Variants in DIP2B observed in about 807,000 individuals in gnomAD.
DIP2B encodes the protein disco-interacting protein 2 homolog B.
A neutral mutation model predicts 198.0 loss-of-function variants in DIP2B; 76 were observed. The ratio of observed to expected loss-of-function variants is 0.38; its 90% CI spans 0.32 to 0.46. The LOEUF (loss-of-function observed/expected upper bound fraction) is 0.46. DIP2B is among the 20% of genes least tolerant of loss of function. DIP2B has a pLI of 0.99. For synonymous variants in DIP2B, 701 were observed against 739.1 expected (o/e 0.95, Z 0.84); for missense variants, 1,559 against 1,978.4 (o/e 0.79, Z 4.02).
intron 1 of DIP2B, among the ~76,000 whole-genome samples, chr12:50,542,744 T>C (rs1256756985): frequency 6.6e-6 from 1 of 152,254 alleles, no homozygotes; most frequent in East Asian, 1.9e-4. Context: ...ATCAGACTTA[T>C]GATTACACTG....
intron 1 of DIP2B, among the ~76,000 whole-genome samples, chr12:50,566,824 T>C: frequency 6.6e-6 from 1 of 151,998 alleles, no homozygotes; most frequent in East Asian, 1.9e-4. Flanking sequence ...TACAAAAAAT[T>C]AGCCAGGCGT....
At chr12:50,542,791 A>G (rs1275177536) in intron 1 of DIP2B, among the ~76,000 whole-genome samples, 1 of 152,226 alleles carries the variant, frequency 6.6e-6, no homozygotes, top group Non-Finnish European at 1.5e-5. Flanking sequence ...CATTTTGGCC[A>G]AAGAATATGA....
Position 50,525,545 on chromosome 12 carries a change from C to T in DIP2B, c.100+20305C>T, listed in dbSNP as rs1299822430. Reference sequence around the variant, plus strand: ...TTTTTTTTTTTGAGACAGAGTCTCACTCTCTCATCCAGGCTGGAGTGCAGT... The same window carrying T: ...TTTTTTTTTTTGAGACAGAGTCTCATTCTCTCATCCAGGCTGGAGTGCAGT... On this transcript the variant is annotated intron_variant, in intron 1 of 37. Coordinates refer to ENST00000301180, the MANE Select transcript of DIP2B (RefSeq NM_173602.3). 1.6e-4 allele frequency among the ~76,000 whole-genome samples: 24 copies of T among 146,648 alleles called. 1 individual carries two copies. The highest frequency in any genetic ancestry group is 5.8e-4 in the African/African-American group (23 of 39,706).
At chr12:50,643,026 CTGTGTGTGTGTGTGTGTGAGTG>C (rs1410808612) in intron 3 of DIP2B, among the ~76,000 whole-genome samples, 1 of 149,710 alleles carries the variant, frequency 6.7e-6, no homozygotes. Context: ...CTGGGAGTTT[CTGTGTGTGTGTGTGTGTGAGTG>C]TGTGTGTGCG....
chr12:50,600,080 A>G (rs543875050), intron 1 of DIP2B, among the ~76,000 whole-genome samples: 1 of 152,354 alleles, frequency 6.6e-6, no homozygotes, highest in South Asian at 2.1e-4. Context: ...ACTTTATAGA[A>G]TCAGAAAGAA....
intron 18 of DIP2B, among the ~76,000 whole-genome samples, chr12:50,698,782 C>T (rs988124777): frequency 3.3e-5 from 5 of 152,218 alleles, no homozygotes; most frequent in African/African-American, 1.2e-4. Context: ...GAGCATACTG[C>T]TTCCAAGAGT....
chr12:50,693,748 G>T (rs1400613701), intron 14 of DIP2B, among the ~76,000 whole-genome samples: 1 of 152,112 alleles, frequency 6.6e-6, no homozygotes, highest in Non-Finnish European at 1.5e-5. Flanking sequence ...TGCAAGATAG[G>T]GACATGTGTG....
rs370725238 is a variant in DIP2B at position 50,648,450 on chromosome 12, G to A, written c.301+7598G>A. 5.5e-4 allele frequency among the ~76,000 whole-genome samples: 84 copies of A among 152,144 alleles called. 2 individuals carry two copies. The South Asian group carries it at 0.013, about 23-fold the overall frequency. ...CCGATCTCGGCTCACTGCAGGCTCC[G>A]CCTCCTGGGTTCACGCCATTCTCCT... On this transcript the variant is annotated intron_variant, in intron 3 of 37. Transcript: ENST00000301180.
At chr12:50,656,593 A>G (rs182921494) in intron 3 of DIP2B, among the ~76,000 whole-genome samples, 2 of 152,112 alleles carry the variant, frequency 1.3e-5, no homozygotes, top group African/African-American at 4.8e-5. Flanking sequence ...TTCTTTTGAG[A>G]TGGAGTCTCG....
At position 50,695,107 on chromosome 12, in the gene DIP2B, G is replaced by C. The variant is rs116399773; in HGVS notation, c.1720-160G>C. On this transcript the variant is annotated intron_variant, in intron 14 of 37. Coordinates refer to ENST00000301180, the MANE Select transcript of DIP2B (RefSeq NM_173602.3). The stretch of plus-strand genomic sequence containing the variant: ...ACCAGGTTTGAGGGTAGGTATTAAA[G>C]GAACTTCAATCTTATATTTAATATT... 8.4e-3 allele frequency among the ~76,000 whole-genome samples: 1,282 copies of C among 152,198 alleles called. 18 individuals are homozygous for C. The highest frequency in any genetic ancestry group is 0.028 in the African/African-American group (1,166 of 41,518).
At chr12:50,629,500 AATGCTGT>A (rs889995397) in intron 2 of DIP2B, among the ~76,000 whole-genome samples, 6 of 152,168 alleles carry the variant, frequency 3.9e-5, no homozygotes, top group Non-Finnish European at 8.8e-5. Flanking sequence ...TTTGAGAACC[AATGCTGT>A]ATCTCTCTAG....
intron 1 of DIP2B, among the ~76,000 whole-genome samples, chr12:50,587,830 G>T (rs1958783986): frequency 6.6e-6 from 1 of 152,140 alleles, no homozygotes; most frequent in South Asian, 2.1e-4. Flanking sequence ...ATCAAGTATT[G>T]CAGGGGTTCT....
chr12:50,630,663 CTTTT>C (rs11327858), intron 2 of DIP2B, among the ~76,000 whole-genome samples: 1 of 74,566 alleles, frequency 1.3e-5, no homozygotes. Flanking sequence ...TCTTTCTTTT[CTTTT>C]TTTTTTTTTT....
At chr12:50,511,746 A>T (rs1455792313) in intron 1 of DIP2B, among the ~76,000 whole-genome samples, 1 of 151,754 alleles carries the variant, frequency 6.6e-6, no homozygotes, top group African/African-American at 2.4e-5. Flanking sequence ...TCAAGAGATC[A>T]AGACCATCCT....
intron 4 of DIP2B, among the ~76,000 whole-genome samples, chr12:50,666,895 G>A (rs1056078491): frequency 1.3e-5 from 2 of 152,098 alleles, no homozygotes; most frequent in Non-Finnish European, 2.9e-5. Flanking sequence ...GGTGGCGGGC[G>A]CCTGTAGTCC....
chr12:50,715,822 T>C (rs1939704025), intron 23 of DIP2B, among the ~76,000 whole-genome samples: 3 of 152,204 alleles, frequency 2.0e-5, no homozygotes, highest in Admixed American at 2.0e-4. Flanking sequence ...AGCTAAAAAC[T>C]GGGGGTTCTG....
intron 1 of DIP2B, among the ~76,000 whole-genome samples, chr12:50,554,109 T>A (rs1309562000): frequency 1.3e-5 from 2 of 152,200 alleles, no homozygotes; most frequent in African/African-American, 4.8e-5. Context: ...CAATTTTCTC[T>A]TCCCCAAAGA....
chr12:50,592,025 G>A (rs1219698250), intron 1 of DIP2B, among the ~76,000 whole-genome samples: 1 of 151,512 alleles, frequency 6.6e-6, no homozygotes, highest in African/African-American at 2.4e-5. Flanking sequence ...TTACAGGCAT[G>A]TGTCACCATG....
intron 1 of DIP2B, among the ~76,000 whole-genome samples, chr12:50,532,406 T>C (rs1958226312): frequency 2.0e-5 from 3 of 152,054 alleles, no homozygotes; most frequent in South Asian, 4.1e-4. Context: ...TCCCAGCTAC[T>C]TGGGAGTCTG....
Sources: allele counts gnomAD v4.1 joint callset (sites outside exome capture counted in the v4.1 genomes callset), GRCh38; gene constraint gnomAD v4.1.1; transcripts MANE v1.5; gene names NCBI Gene and HGNC (gene_info 2026-07-23, HGNC 2026-07-21).